ULK4: variants seen among roughly 807,000 people sequenced by gnomAD.
The protein encoded by ULK4 is inactive serine/threonine-protein kinase ULK4.
ULK4 carries 133 observed loss-of-function variants against 160.6 expected under a neutral mutation model. The observed-to-expected ratio is 0.83, with a 90% CI of 0.72 to 0.96. The LOEUF is 0.96. Ranked by LOEUF, ULK4 falls within the 40% of genes least tolerant of loss-of-function variation. ULK4 has a pLI of 0.00. For synonymous variants in ULK4, 534 were observed against 539.8 expected (o/e 0.99, Z 0.15); for missense variants, 1,580 against 1,499.5 (o/e 1.05, Z -0.89).
chr3:41,680,295 G>A (rs1441778688), intron 29 of ULK4, among the ~76,000 whole-genome samples: 5 of 152,052 alleles, frequency 3.3e-5, no homozygotes, highest in Non-Finnish European at 5.9e-5. Context: ...GTCTTACTTT[G>A]GGCATTAAAA....
intron 27 of ULK4, among the ~76,000 whole-genome samples, chr3:41,700,385 G>A (rs899519089): frequency 2.0e-5 from 3 of 152,150 alleles, no homozygotes; most frequent in African/African-American, 4.8e-5. Context: ...GGCACCTGAA[G>A]AGAGGAGATT....
At chr3:41,447,289 C>T (rs62259336) in intron 34 of ULK4, among the ~76,000 whole-genome samples, 26,695 of 151,960 alleles carry the variant, frequency 0.18, 2,794 homozygotes, top group South Asian at 0.25. Flanking sequence ...TAAAGCATTA[C>T]TTCTGAAAGA....
intron 17 of ULK4, among the ~76,000 whole-genome samples, chr3:41,876,587 C>T (rs1229412292): frequency 2.0e-5 from 3 of 152,250 alleles, no homozygotes; most frequent in South Asian, 2.1e-4. Context: ...AGAGAGCTTG[C>T]GCAAGTGCAT....
intron 32 of ULK4, among the ~76,000 whole-genome samples, chr3:41,559,720 G>A (rs1416180691): frequency 2.0e-5 from 3 of 152,074 alleles, no homozygotes; most frequent in East Asian, 3.9e-4. Context: ...TTTTGATGGA[G>A]TTGTTTATTT....
At chr3:41,354,067 T>C (rs1320769096) in intron 35 of ULK4, among the ~76,000 whole-genome samples, 3 of 152,184 alleles carry the variant, frequency 2.0e-5, no homozygotes, top group African/African-American at 7.2e-5. Context: ...GAGAGAGGGC[T>C]GAGAAGGCAC....
At chr3:41,522,328 C>G (rs776151114) in intron 32 of ULK4, among the ~76,000 whole-genome samples, 1 of 151,668 alleles carries the variant, frequency 6.6e-6, no homozygotes, top group Non-Finnish European at 1.5e-5. Flanking sequence ...TTAGTAGAGA[C>G]GGGGTTTCAC....
intron 34 of ULK4, 47 bp from the exon 35 acceptor site, chr3:41,398,311 T>C (rs1460654327): frequency 1.9e-6 from 3 of 1,546,168 alleles, no homozygotes; most frequent in Non-Finnish European, 2.6e-6. Flanking sequence ...GAAGACGGTA[T>C]TAGTACTCAA....
At chr3:41,807,208 A>G (rs538952862) in intron 19 of ULK4, among the ~76,000 whole-genome samples, 1 of 152,304 alleles carries the variant, frequency 6.6e-6, no homozygotes, top group South Asian at 2.1e-4. Context: ...TAAAATAAAA[A>G]ATACATTAAA....
chr3:41,527,572 G>A (rs551010066), intron 32 of ULK4, among the ~76,000 whole-genome samples: 1 of 152,346 alleles, frequency 6.6e-6, no homozygotes, highest in East Asian at 1.9e-4. Context: ...AAGTGTGGAA[G>A]TCTGGCTCCA....
At chr3:41,915,868 C>T (rs1233287371) in intron 8 of ULK4, 109 bp downstream of exon 8, 1 of 734,194 alleles carries the variant, frequency 1.4e-6, no homozygotes, top group Admixed American at 3.2e-5. Context: ...TTTAGAAGTA[C>T]ATAAAAGGGG....
intron 32 of ULK4, among the ~76,000 whole-genome samples, chr3:41,555,564 C>A (rs1211171336): frequency 2.0e-5 from 3 of 152,186 alleles, no homozygotes; most frequent in Non-Finnish European, 4.4e-5. Context: ...CACTTATACA[C>A]TGTTGGTGGG....
intron 22 of ULK4, among the ~76,000 whole-genome samples, chr3:41,738,566 G>C (rs542193584): frequency 1.3e-5 from 2 of 152,000 alleles, no homozygotes; most frequent in East Asian, 3.9e-4. Context: ...TCAGCAGTGA[G>C]TACTTTTTAG....
intron 21 of ULK4, among the ~76,000 whole-genome samples, chr3:41,758,637 G>C (rs1415455018): frequency 6.6e-6 from 1 of 152,166 alleles, no homozygotes. Context: ...TGTAATCCCA[G>C]CACTTTGGGA....
chr3:41,841,422 C>G (rs971698519), intron 17 of ULK4, among the ~76,000 whole-genome samples: 3 of 150,374 alleles, frequency 2.0e-5, no homozygotes, highest in African/African-American at 7.4e-5. Flanking sequence ...TGTGCCCGGC[C>G]GCCCCGTCTG....
At chr3:41,398,295 T>G in intron 34 of ULK4, 31 bp from the exon 35 acceptor site, 2 of 1,600,018 alleles carry the variant, frequency 1.2e-6, no homozygotes, top group Non-Finnish European at 8.5e-7. Context: ...CTATTTAAAT[T>G]TCCTTGAAGA....
intron 19 of ULK4, among the ~76,000 whole-genome samples, chr3:41,819,083 T>C (rs1375803999): frequency 6.6e-6 from 1 of 152,208 alleles, no homozygotes; most frequent in Admixed American, 6.5e-5. Flanking sequence ...GAAAATTCGC[T>C]GCATACACCT....
intron 31 of ULK4, among the ~76,000 whole-genome samples, chr3:41,586,904 GTATTAATAAAT>G (rs1575452213): frequency 6.6e-6 from 1 of 152,058 alleles, no homozygotes; most frequent in African/African-American, 2.4e-5. Context: ...ATATTTGATA[GTATTAATAAAT>G]TATTAATACT....
intron 31 of ULK4, among the ~76,000 whole-genome samples, chr3:41,605,820 A>G (rs2032351622): frequency 6.6e-6 from 1 of 152,028 alleles, no homozygotes; most frequent in African/African-American, 2.4e-5. Context: ...ACATATATAA[A>G]AGGAATATTT....
intron 35 of ULK4, among the ~76,000 whole-genome samples, chr3:41,288,522 T>C (rs867894167): frequency 1.3e-5 from 2 of 152,106 alleles, no homozygotes; most frequent in Admixed American, 6.6e-5. Context: ...ATGTGTGGAA[T>C]TGCTGAGAAT....
Sources: allele counts gnomAD v4.1 joint callset (sites outside exome capture counted in the v4.1 genomes callset), GRCh38; gene constraint gnomAD v4.1.1; transcripts MANE v1.5; gene names NCBI Gene and HGNC (gene_info 2026-07-23, HGNC 2026-07-21).